Variants in DGKB observed in about 807,000 individuals in gnomAD.
DGKB encodes 90 kDa diacylglycerol kinase.
Under a neutral mutation model 114.3 loss-of-function variants are expected in DGKB, and 67 were observed. That is an observed-to-expected ratio of 0.59 (90% CI 0.48 to 0.72). The LOEUF (loss-of-function observed/expected upper bound fraction) is 0.72, where lower values mean the gene tolerates loss of function less well. Ranked by LOEUF, DGKB falls within the 30% of genes least tolerant of loss-of-function variation. The probability of loss-of-function intolerance (pLI) is 0.00; values close to 1 mark genes in which losing one functional copy is unlikely to be tolerated. For synonymous variants in DGKB, 398 were observed against 323.1 expected, an observed-to-expected ratio of 1.23 and a Z score of -2.49; for missense variants, 907 against 975.2, an observed-to-expected ratio of 0.93 and a Z score of 0.93.
chr7:14,599,887 T>A (rs941909227), intron 17 of DGKB, among the ~76,000 whole-genome samples: 1 of 152,184 alleles, frequency 6.6e-6, no homozygotes, highest in Non-Finnish European at 1.5e-5. Context: ...TACACTTACA[T>A]AACAGTAAAT....
chr7:14,974,383 A>C (rs999432149), intron 1 of DGKB, among the ~76,000 whole-genome samples: 1 of 152,132 alleles, frequency 6.6e-6, no homozygotes, highest in African/African-American at 2.4e-5. Flanking sequence ...TTAATTAAAA[A>C]AGGAATAGTA....
intron 23 of DGKB, among the ~76,000 whole-genome samples, chr7:14,252,733 G>A (rs371695383): frequency 6.0e-4 from 92 of 152,252 alleles, no homozygotes; most frequent in African/African-American, 2.0e-3. Flanking sequence ...GGGTTTAACT[G>A]GAGCTTGGGT....
At chr7:14,841,847 A>G (rs1162063295) in intron 1 of DGKB, among the ~76,000 whole-genome samples, 3 of 152,228 alleles carry the variant, frequency 2.0e-5, no homozygotes, top group Non-Finnish European at 4.4e-5. Flanking sequence ...TTCCAATCAT[A>G]TGAATTAATT....
At chr7:14,564,246 A>G (rs778731711) in intron 20 of DGKB, among the ~76,000 whole-genome samples, 3 of 152,122 alleles carry the variant, frequency 2.0e-5, no homozygotes. Flanking sequence ...AAAGACAGAA[A>G]CTAGTCTTCC....
At chr7:14,671,959 A>C (rs934659244) in intron 13 of DGKB, among the ~76,000 whole-genome samples, 1 of 152,232 alleles carries the variant, frequency 6.6e-6, no homozygotes, top group South Asian at 2.1e-4. Flanking sequence ...ATTTAGAATT[A>C]GTTATTGCTA....
chr7:14,795,582 C>T (rs1174201876), intron 2 of DGKB, among the ~76,000 whole-genome samples: 1 of 152,090 alleles, frequency 6.6e-6, no homozygotes, highest in African/African-American at 2.4e-5. Context: ...GTAGGCCAGA[C>T]CTCAGAGTGG....
chr7:14,722,533 G>A (rs1039847506), intron 5 of DGKB, among the ~76,000 whole-genome samples: 1 of 152,020 alleles, frequency 6.6e-6, no homozygotes, highest in Non-Finnish European at 1.5e-5. Flanking sequence ...AAAAAGCTTG[G>A]CCAGGCACCG....
intron 17 of DGKB, among the ~76,000 whole-genome samples, chr7:14,600,078 G>C (rs1327526714): frequency 6.6e-6 from 1 of 152,182 alleles, no homozygotes; most frequent in African/African-American, 2.4e-5. Flanking sequence ...CCAAGGTCAA[G>C]ACATCAACAG....
At chr7:14,320,393 CTTG>C (rs1050468710) in intron 23 of DGKB, among the ~76,000 whole-genome samples, 3 of 152,082 alleles carry the variant, frequency 2.0e-5, no homozygotes, top group African/African-American at 7.2e-5. Context: ...ACGTCCAGAG[CTTG>C]TTCTCAGTTG....
chr7:14,483,452 C>T (rs2128916763), intron 20 of DGKB, among the ~76,000 whole-genome samples: 1 of 152,188 alleles, frequency 6.6e-6, no homozygotes, highest in South Asian at 2.1e-4. Flanking sequence ...ATATTTAGAT[C>T]AGATTTTCTA....
intron 1 of DGKB, among the ~76,000 whole-genome samples, chr7:14,944,546 T>C (rs567595631): frequency 6.6e-6 from 1 of 152,050 alleles, no homozygotes; most frequent in Admixed American, 6.6e-5. Context: ...TAATTTCTCT[T>C]CTGTAATACG....
chr7:14,810,859 T>C (rs1843344327), intron 2 of DGKB, among the ~76,000 whole-genome samples: 2 of 152,194 alleles, frequency 1.3e-5, no homozygotes, highest in South Asian at 4.1e-4. Flanking sequence ...TCTGCCTGCC[T>C]TGGCCTCCCA....
intron 1 of DGKB, among the ~76,000 whole-genome samples, chr7:14,933,810 A>T (rs1030279425): frequency 4.6e-5 from 7 of 152,304 alleles, no homozygotes; most frequent in African/African-American, 1.7e-4. Context: ...TTAAGATATT[A>T]AAAATATCTA....
At chr7:14,478,889 G>A (rs192137850) in intron 20 of DGKB, among the ~76,000 whole-genome samples, 101 of 151,962 alleles carry the variant, frequency 6.6e-4, no homozygotes, top group African/African-American at 1.9e-3. Flanking sequence ...CAAGTGCATC[G>A]GTTCTGACCC....
At chr7:14,490,793 G>T (rs749954804) in intron 20 of DGKB, among the ~76,000 whole-genome samples, 22 of 152,152 alleles carry the variant, frequency 1.4e-4, no homozygotes, top group Middle Eastern at 3.4e-3. Flanking sequence ...TAAAATTAGG[G>T]AGTCAGTGAA....
chr7:14,413,486 G>C (rs1182400010), intron 21 of DGKB, among the ~76,000 whole-genome samples: 2 of 152,066 alleles, frequency 1.3e-5, no homozygotes, highest in Non-Finnish European at 2.9e-5. Flanking sequence ...TCAGAGGAGA[G>C]GTCTGGGTTG....
intron 21 of DGKB, among the ~76,000 whole-genome samples, chr7:14,345,967 G>T (rs1178513898): frequency 6.6e-6 from 1 of 150,628 alleles, no homozygotes; most frequent in East Asian, 1.9e-4. Flanking sequence ...CTTTACAAAG[G>T]TCAAATAGAT....
At chr7:14,695,416 A>G (rs1289936839) in intron 8 of DGKB, among the ~76,000 whole-genome samples, 3 of 151,548 alleles carry the variant, frequency 2.0e-5, no homozygotes, top group Admixed American at 2.0e-4. Context: ...TTAATTTGAT[A>G]AAAACTTCTA....
At chr7:14,894,263 G>A (rs750363303) in intron 1 of DGKB, among the ~76,000 whole-genome samples, 6 of 151,194 alleles carry the variant, frequency 4.0e-5, no homozygotes, top group African/African-American at 4.8e-5. Context: ...TTTAACATAC[G>A]TATTAGCATT....
Sources: gnomAD v4.1 joint callset for allele counts (sites outside exome capture counted in the v4.1 genomes callset) on GRCh38, gnomAD v4.1.1 for gene constraint, MANE v1.5 for transcripts, NCBI Gene and HGNC (gene_info 2026-07-23, HGNC 2026-07-21) for gene names.